The following DOCK1 variants were observed in gnomAD, a reference collection of about 807,000 sequenced individuals.
DOCK1 encodes dedicator of cytokinesis protein 1.
A neutral mutation model predicts 262.7 loss-of-function variants in DOCK1; 138 were observed. That is an observed-to-expected ratio of 0.53 (90% CI 0.46 to 0.61). The LOEUF (loss-of-function observed/expected upper bound fraction) is 0.61, where lower values mean the gene tolerates loss of function less well. Ranked by LOEUF, DOCK1 falls within the 20% of genes least tolerant of loss-of-function variation. DOCK1 has a pLI of 0.00. For missense variants in DOCK1, 1,908 were observed against 2,370.7 expected (o/e 0.80, Z 4.05); for synonymous variants, 866 against 867.4 (o/e 1.00, Z 0.03).
At chr10:127,448,474 C>T (rs1045272852) in intron 51 of DOCK1, among the ~76,000 whole-genome samples, 1 of 152,220 alleles carries the variant, frequency 6.6e-6, no homozygotes, top group African/African-American at 2.4e-5. Flanking sequence ...CTCATCCCTG[C>T]GGGTCCCAGC....
intron 29 of DOCK1, among the ~76,000 whole-genome samples, chr10:127,270,219 G>A (rs946982785): frequency 6.6e-6 from 1 of 152,130 alleles, no homozygotes; most frequent in Non-Finnish European, 1.5e-5. Flanking sequence ...GCTAAGCAGG[G>A]ACTTCCAAAC....
intron 1 of DOCK1, among the ~76,000 whole-genome samples, chr10:126,943,725 C>G (rs960181390): frequency 6.6e-6 from 1 of 152,046 alleles, no homozygotes; most frequent in Non-Finnish European, 1.5e-5. Flanking sequence ...AGGGAGGCTT[C>G]CTGGAAGAAG....
intron 25 of DOCK1, among the ~76,000 whole-genome samples, chr10:127,121,065 A>AG (rs1308084632): frequency 6.6e-6 from 1 of 152,172 alleles, no homozygotes; most frequent in Non-Finnish European, 1.5e-5. Context: ...AAGAGCCAGC[A>AG]GGGGGGATTG....
intron 1 of DOCK1, among the ~76,000 whole-genome samples, chr10:126,917,897 A>G (rs1274736916): frequency 1.3e-5 from 2 of 152,164 alleles, no homozygotes; most frequent in Non-Finnish European, 2.9e-5. Context: ...TTCCTTCTTC[A>G]GTTCCTTAGG....
chr10:127,442,944 C>G (rs1441385373), intron 49 of DOCK1, among the ~76,000 whole-genome samples: 1 of 152,364 alleles, frequency 6.6e-6, no homozygotes, highest in Non-Finnish European at 1.5e-5. Flanking sequence ...GCAGTGCCAG[C>G]CCCTCGTGTG....
chr10:127,324,210 T>C (rs967941292), intron 29 of DOCK1, among the ~76,000 whole-genome samples: 4 of 152,210 alleles, frequency 2.6e-5, no homozygotes, highest in African/African-American at 7.2e-5. Context: ...CAGCAAGAGA[T>C]GGGCTGAGCA....
chr10:127,380,976 CAG>C (rs1383810255), intron 36 of DOCK1, among the ~76,000 whole-genome samples: 1 of 151,922 alleles, frequency 6.6e-6, no homozygotes, highest in Non-Finnish European at 1.5e-5. Flanking sequence ...CATTTGGACT[CAG>C]TAGAAATGCA....
chr10:127,176,744 A>C lies in DOCK1; in HGVS notation c.2847+48980A>C. The C allele has an allele frequency of 5.0e-6, 1 of 198,660 alleles. No individual in the cohort carries two copies. Among genetic ancestry groups the C allele is most frequent in the Non-Finnish European group, 1.0e-5 (1 of 98,212 alleles). The allele number at this position is 198,660 out of a possible 1,614,324, so 12.3% of individuals were successfully genotyped here. On this transcript the variant is annotated intron_variant, in intron 27 of 51. Coordinates refer to ENST00000623213, the MANE Select transcript of DOCK1 (RefSeq NM_001290223.2). The surrounding 1 kb of genome is among the most constrained non-coding windows in gnomAD (Gnocchi z 4.4). Reference sequence around the variant, plus strand: ...TCTGCTTTGCAAATTATCTTTTCACACGCGTGACTCCCCTTCTTAGGCAGA... The same window carrying C: ...TCTGCTTTGCAAATTATCTTTTCACCCGCGTGACTCCCCTTCTTAGGCAGA...
intron 4 of DOCK1, among the ~76,000 whole-genome samples, chr10:126,985,819 C>T (rs2039339164): frequency 6.6e-6 from 1 of 152,094 alleles, no homozygotes; most frequent in African/African-American, 2.4e-5. Context: ...TCAGTAGACA[C>T]TGATGGTGGC....
chr10:127,075,011 A>C (rs1301129132), intron 23 of DOCK1, among the ~76,000 whole-genome samples: 2 of 151,734 alleles, frequency 1.3e-5, no homozygotes, highest in African/African-American at 4.8e-5. Context: ...CTCTACTAAA[A>C]ATACGGAATT....
At chr10:127,252,009 A>G (rs1564936127) in intron 28 of DOCK1, among the ~76,000 whole-genome samples, 1 of 152,016 alleles carries the variant, frequency 6.6e-6, no homozygotes, top group African/African-American at 2.4e-5. Context: ...CCAACAGTGT[A>G]AAAGTGTTCC....
At chr10:127,001,140 T>A (rs1401192374) in intron 10 of DOCK1, 1 of 152,162 alleles carries the variant, frequency 6.6e-6, no homozygotes, top group Non-Finnish European at 1.5e-5. Context: ...TGATATTTAT[T>A]TTAATTTTTG....
chr10:127,062,045 T>C (rs1244187714), intron 23 of DOCK1, among the ~76,000 whole-genome samples: 1 of 147,938 alleles, frequency 6.8e-6, no homozygotes, highest in Non-Finnish European at 1.5e-5. Context: ...GAAGCAATTC[T>C]CCTGTCTCAG....
At chr10:127,330,508 A>G (rs1040146512) in intron 29 of DOCK1, among the ~76,000 whole-genome samples, 1 of 152,222 alleles carries the variant, frequency 6.6e-6, no homozygotes, top group African/African-American at 2.4e-5. Flanking sequence ...CACAGCCACT[A>G]TGGAAAATAG....
At chr10:127,021,605 C>G (rs2135435119) in intron 13 of DOCK1, among the ~76,000 whole-genome samples, 1 of 152,236 alleles carries the variant, frequency 6.6e-6, no homozygotes, top group African/African-American at 2.4e-5. Context: ...CAAGGTCACA[C>G]AGCAAATGAG....
intron 29 of DOCK1, among the ~76,000 whole-genome samples, chr10:127,261,730 CGT>C (rs1211490817): frequency 1.0e-4 from 8 of 77,066 alleles, no homozygotes; most frequent in South Asian, 4.6e-4. Flanking sequence ...TGTGGGTGTG[CGT>C]GTGTGTACCC....
At chr10:127,281,496 A>G (rs1043775008) in intron 29 of DOCK1, among the ~76,000 whole-genome samples, 7 of 152,134 alleles carry the variant, frequency 4.6e-5, no homozygotes, top group African/African-American at 1.4e-4. Context: ...AGGCATCAGG[A>G]GGGAAGTCTT....
intron 27 of DOCK1, among the ~76,000 whole-genome samples, chr10:127,141,308 C>T (rs546383038): frequency 1.3e-3 from 202 of 152,308 alleles, no homozygotes; most frequent in Middle Eastern, 3.4e-3. Context: ...AGATGCCATG[C>T]GGTCATCCTC....
At chr10:127,225,785 T>A (rs1189987469) in intron 27 of DOCK1, among the ~76,000 whole-genome samples, 1 of 152,122 alleles carries the variant, frequency 6.6e-6, no homozygotes, top group East Asian at 1.9e-4. Flanking sequence ...GATGTACCCA[T>A]AAGAAGTAGT....
Sources: gnomAD v4.1 joint callset for allele counts (sites outside exome capture counted in the v4.1 genomes callset) on GRCh38, gnomAD v4.1.1 for gene constraint, Gnocchi (gnomAD v3.1) non-coding constraint, MANE v1.5 for transcripts, NCBI Gene and HGNC (gene_info 2026-07-23, HGNC 2026-07-21) for gene names.